ZNF469: variants seen among roughly 807,000 people sequenced by gnomAD.
ZNF469 encodes the protein zinc finger protein 469.
ZNF469 carries 1 observed loss-of-function variant against 1.0 expected under a neutral mutation model. That is an observed-to-expected ratio of 1.00 (90% CI 0.35 to 4.73). The LOEUF (loss-of-function observed/expected upper bound fraction) is 4.73, where lower values mean the gene tolerates loss of function less well. Among genes scored for constraint, ZNF469 ranks in the 30% most tolerant of loss-of-function variants. The pLI is 0.16. For missense variants in ZNF469, 6,100 were observed against 5,356.3 expected (o/e 1.14, Z -4.33); for synonymous variants, 2,703 against 2,363.4 (o/e 1.14, Z -4.17).
chr16:88,267,307 G>T, the ZNF469 span, among the ~76,000 whole-genome samples: 5 of 152,184 alleles, frequency 3.3e-5, no homozygotes, highest in African/African-American at 1.2e-4. Flanking sequence ...CCGTTTAAGT[G>T]CCCCAGGGAG....
the ZNF469 span, among the ~76,000 whole-genome samples, chr16:88,325,764 G>A: frequency 6.6e-6 from 1 of 152,208 alleles, no homozygotes; most frequent in African/African-American, 2.4e-5. Flanking sequence ...AATGCTCCGT[G>A]TGACGGCTAC....
At chr16:88,346,035 G>C in the ZNF469 span, among the ~76,000 whole-genome samples, 6 of 152,216 alleles carry the variant, frequency 3.9e-5, no homozygotes, top group Non-Finnish European at 4.4e-5. Context: ...CTCTGGACCG[G>C]GTCAGGCTGT....
At chr16:88,377,699 C>A in the ZNF469 span, among the ~76,000 whole-genome samples, 1 of 152,076 alleles carries the variant, frequency 6.6e-6, no homozygotes, top group Non-Finnish European at 1.5e-5. Context: ...AGCCCTCCCT[C>A]CTCTCTCCCA....
the ZNF469 span, among the ~76,000 whole-genome samples, chr16:88,193,090 G>T: frequency 1.0e-5 from 1 of 97,798 alleles, no homozygotes; most frequent in Non-Finnish European, 2.1e-5. Flanking sequence ...GATGGTGGTG[G>T]TGATGGTGTT....
the ZNF469 span, among the ~76,000 whole-genome samples, chr16:88,108,172 T>C: frequency 2.2e-5 from 3 of 135,556 alleles, no homozygotes; most frequent in African/African-American, 9.1e-5. Flanking sequence ...TCTGTGGGGA[T>C]GTGGGGATGG....
chr16:88,143,784 G>T, the ZNF469 span, among the ~76,000 whole-genome samples: 1 of 152,240 alleles, frequency 6.6e-6, no homozygotes, highest in African/African-American at 2.4e-5. Flanking sequence ...TGTGTCCTCT[G>T]ATCGGCCCCT....
At chr16:88,144,860 C>CT in the ZNF469 span, among the ~76,000 whole-genome samples, 3 of 136,830 alleles carry the variant, frequency 2.2e-5, no homozygotes, top group Non-Finnish European at 4.6e-5. Flanking sequence ...TTTTTTTTTT[C>CT]TCTTTTTGAG....
At chr16:88,379,069 G>C (rs753688956), upstream of ZNF469, among the ~76,000 whole-genome samples, 4 of 152,178 alleles carry the variant, frequency 2.6e-5, no homozygotes, top group Non-Finnish European at 5.9e-5. Flanking sequence ...GAGGCTTCTC[G>C]TGCCTCCCCC....
At chr16:88,330,584 A>T in the ZNF469 span, among the ~76,000 whole-genome samples, 1 of 152,176 alleles carries the variant, frequency 6.6e-6, no homozygotes, top group African/African-American at 2.4e-5. Context: ...CGCTTCATGG[A>T]CAGAGGGACT....
the ZNF469 span, among the ~76,000 whole-genome samples, chr16:88,202,779 T>C: frequency 6.6e-6 from 1 of 152,022 alleles, no homozygotes; most frequent in African/African-American, 2.4e-5. Flanking sequence ...GGGTCAGCAC[T>C]GGGGGTGAGG....
At position 88,430,449 on chromosome 16, in the gene ZNF469, T is replaced by C; in HGVS notation, c.2979T>C (p.Arg993=). 6.7e-7 allele frequency: 1 copy of C among 1,492,146 alleles called. No homozygotes were observed. Among genetic ancestry groups the C allele is most frequent in the Non-Finnish European group, 8.9e-7 (1 of 1,126,482 alleles). 92.4% of individuals were successfully genotyped at this position (1,492,146 alleles called of 1,614,324 possible). ...NDGLGERPPP[R]PRRPRTQAPG... is the part of the protein sequence containing the mutation. ...GTCTCGGGGAGCGGCCCCCACCCCG[T>C]CCCCGGCGCCCTAGAACGCAGGCCC... Residue 993 remains arginine, a synonymous_variant, in exon 3 of 3, where the codon CGT becomes CGC. Coordinates refer to ENST00000565624, the MANE Select transcript of ZNF469 (RefSeq NM_001367624.2).
In ZNF469 at chr16:88,434,166, C is replaced by T. The variant is rs377506846; in HGVS notation, c.6696C>T (p.Ser2232=). 181 of 1,550,332 alleles carry T rather than the reference C, an allele frequency of 1.2e-4. No homozygotes were observed. The African/African-American group carries it at 1.4e-3, about 12-fold the overall frequency. Residue 2232 remains serine (S), a synonymous_variant, in exon 3 of 3, where the codon TCC becomes TCT. Transcript: ENST00000565624. ...LEDPSSWPPG[S]VSAVTCTHSG... Reference sequence around the variant, plus strand: ...ACCCTTCCTCCTGGCCTCCTGGCTCCGTCAGTGCTGTAACCTGCACTCACA... The same window carrying T: ...ACCCTTCCTCCTGGCCTCCTGGCTCTGTCAGTGCTGTAACCTGCACTCACA...
the ZNF469 span, among the ~76,000 whole-genome samples, chr16:88,192,633 G>C: frequency 1.3e-5 from 2 of 152,410 alleles, no homozygotes; most frequent in Non-Finnish European, 2.9e-5. Flanking sequence ...ACAGTATTGA[G>C]AGTCATCACA....
At position 88,432,349 on chromosome 16, in the gene ZNF469, C is replaced by G; in HGVS notation, c.4879C>G (p.Leu1627Val). 6.5e-7 allele frequency: 1 copy of G among 1,548,588 alleles called. No individual in the cohort carries two copies. ...PHEDTFSAADLTRVGESTAHR... is the reference protein window; with the variant it reads ...PHEDTFSAADVTRVGESTAHR... ...CGAGGACACGTTCTCGGCAGCTGAC[C>G]TCACGCGCGTTGGAGAATCCACTGC... Residue 1627 changes from leucine to valine, a missense_variant, in exon 3 of 3, where the codon CTC becomes GTC. Coordinates refer to ENST00000565624, the MANE Select transcript of ZNF469 (RefSeq NM_001367624.2).
the ZNF469 span, among the ~76,000 whole-genome samples, chr16:88,339,864 C>T: frequency 3.6e-5 from 4 of 112,108 alleles, no homozygotes; most frequent in African/African-American, 1.8e-4. Context: ...GGCAGGAGGT[C>T]AGGGGACAGA....
chr16:88,307,917 A>C, the ZNF469 span, among the ~76,000 whole-genome samples: 2 of 152,224 alleles, frequency 1.3e-5, no homozygotes, highest in African/African-American at 4.8e-5. Context: ...GCCTAACTCA[A>C]AGCCACAAAG....
At chr16:88,204,717 C>G in the ZNF469 span, among the ~76,000 whole-genome samples, 1 of 152,222 alleles carries the variant, frequency 6.6e-6, no homozygotes, top group African/African-American at 2.4e-5. Flanking sequence ...TCACAGCCGT[C>G]TCCGCTGTGG....
chr16:88,247,825 G>A, the ZNF469 span, among the ~76,000 whole-genome samples: 1 of 151,930 alleles, frequency 6.6e-6, no homozygotes, highest in Non-Finnish European at 1.5e-5. Context: ...GAGTGAATGA[G>A]TGAGTGAGTG....
In ZNF469 at chr16:88,431,894, A is replaced by T. The variant is rs1396711961; in HGVS notation, c.4424A>T (p.Asn1475Ile). ...CCCCTCTATGGCAGCCTGTCTGCGA[A>T]CAGGGACTCCGGTCTGCCGTTCGCA... is the stretch of plus-strand genomic sequence containing the variant. ...DPPLYGSLSA[N>I]RDSGLPFACA... The change falls in exon 3 of 3, where the codon AAC (asparagine) becomes ATC (isoleucine). Residue 1475 changes from asparagine (N) to isoleucine (I), a missense_variant. Physicochemically the swap from Asn to Ile is moderately radical, Grantham distance 149. Coordinates refer to ENST00000565624, the MANE Select transcript of ZNF469 (RefSeq NM_001367624.2). 1.1e-5 allele frequency: 17 copies of T among 1,549,870 alleles called. No homozygotes were observed. The highest frequency in any genetic ancestry group is 1.5e-5 in the Non-Finnish European group (17 of 1,146,870).
Sources: gnomAD v4.1 joint callset for allele counts (sites outside exome capture counted in the v4.1 genomes callset) on GRCh38, gnomAD v4.1.1 for gene constraint, MANE v1.5 for transcripts, NCBI Gene and HGNC (gene_info 2026-07-23, HGNC 2026-07-21) for gene names.